CHN2: variants seen among roughly 807,000 people sequenced by gnomAD.
CHN2 encodes the protein chimerin 2.
In CHN2, 35 loss-of-function variants were observed where a neutral mutation model predicts 56.3. The observed-to-expected ratio is 0.62, with a 90% CI of 0.47 to 0.82. The LOEUF (loss-of-function observed/expected upper bound fraction) is 0.82, where lower values mean the gene tolerates loss of function less well. Among genes scored for constraint, CHN2 ranks in the 40% least tolerant of loss-of-function variants. CHN2 has a pLI of 0.00. For synonymous variants in CHN2, 210 were observed against 212.8 expected (o/e 0.99, Z 0.12); for missense variants, 491 against 580.5 (o/e 0.85, Z 1.58).
At chr7:29,392,617 C>T (rs953226389) in intron 3 of CHN2, among the ~76,000 whole-genome samples, 4 of 152,160 alleles carry the variant, frequency 2.6e-5, no homozygotes, top group African/African-American at 9.7e-5. Context: ...AAAGCCCCAG[C>T]TCCGCCTTTC....
At chr7:29,300,400 G>T (rs1307290033) in intron 1 of CHN2, among the ~76,000 whole-genome samples, 1 of 152,162 alleles carries the variant, frequency 6.6e-6, no homozygotes, top group Non-Finnish European at 1.5e-5. Context: ...AGAGGAGGGT[G>T]GGGCAAGGGT....
chr7:29,491,258 C>CT (rs1407685688), intron 7 of CHN2, among the ~76,000 whole-genome samples: 1 of 151,966 alleles, frequency 6.6e-6, no homozygotes, highest in Non-Finnish European at 1.5e-5. Flanking sequence ...ATCTAAAAAT[C>CT]TTTTTTTGTG....
chr7:29,371,199 G>A (rs1396417190), intron 3 of CHN2, among the ~76,000 whole-genome samples: 1 of 152,138 alleles, frequency 6.6e-6, no homozygotes, highest in Non-Finnish European at 1.5e-5. Context: ...AGTATTCTCT[G>A]AATGTAAGGG....
intron 6 of CHN2, among the ~76,000 whole-genome samples, chr7:29,453,772 T>C (rs1784560581): frequency 6.6e-6 from 1 of 152,202 alleles, no homozygotes; most frequent in Non-Finnish European, 1.5e-5. Flanking sequence ...ATCCATCCAC[T>C]AATGAGCTAT....
chr7:29,265,297 T>G (rs1414687948), intron 1 of CHN2, among the ~76,000 whole-genome samples: 1 of 152,190 alleles, frequency 6.6e-6, no homozygotes, highest in Admixed American at 6.5e-5. Flanking sequence ...CTGCCTGGCT[T>G]CCTTACTCTC....
At chr7:29,175,595 T>C (rs892390160) in intron 2 of CHN2, among the ~76,000 whole-genome samples, 12 of 152,158 alleles carry the variant, frequency 7.9e-5, no homozygotes, top group Non-Finnish European at 1.8e-4. Flanking sequence ...CCCAGCCGTA[T>C]GGAACTGAGT....
chr7:29,255,864 A>G (rs147283000), intron 1 of CHN2, among the ~76,000 whole-genome samples: 34 of 152,346 alleles, frequency 2.2e-4, no homozygotes, highest in African/African-American at 6.7e-4. Context: ...GAATCTATCA[A>G]TGCAACTTGC....
At chr7:29,336,929 A>G (rs1198609053) in intron 1 of CHN2, among the ~76,000 whole-genome samples, 1 of 151,986 alleles carries the variant, frequency 6.6e-6, no homozygotes, top group Non-Finnish European at 1.5e-5. Flanking sequence ...CTCCAATGTC[A>G]TCTCCTCTGT....
chr7:29,356,077 C>G (rs1361114371), intron 2 of CHN2, among the ~76,000 whole-genome samples: 7 of 152,028 alleles, frequency 4.6e-5, no homozygotes, highest in Admixed American at 4.6e-4. Context: ...GCCACCACAC[C>G]AGGCCTATGT....
At chr7:29,481,531 C>T (rs1017269229) in intron 7 of CHN2, among the ~76,000 whole-genome samples, 2 of 152,178 alleles carry the variant, frequency 1.3e-5, no homozygotes, top group African/African-American at 4.8e-5. Context: ...TGGAATTATA[C>T]AGCCCTACAT....
At chr7:29,443,023 C>G (rs566714955) in intron 6 of CHN2, among the ~76,000 whole-genome samples, 123 of 145,362 alleles carry the variant, frequency 8.5e-4, no homozygotes, top group African/African-American at 3.1e-3. Context: ...TCACTGCAAA[C>G]TCCGCTTCCC....
At chr7:29,233,573 T>C (rs1786889426) in intron 1 of CHN2, among the ~76,000 whole-genome samples, 1 of 152,092 alleles carries the variant, frequency 6.6e-6, no homozygotes, top group African/African-American at 2.4e-5. Context: ...GGTTTTGAGA[T>C]TAAGGAGATT....
At chr7:29,224,199 C>T (rs886133999) in intron 1 of CHN2, among the ~76,000 whole-genome samples, 1 of 152,064 alleles carries the variant, frequency 6.6e-6, no homozygotes, top group African/African-American at 2.4e-5. Flanking sequence ...ATTAAGAAGC[C>T]CTTACTTCTT....
Position 29,260,899 on chromosome 7 carries a change from G to A in CHN2, c.49+65909G>A, listed in dbSNP as rs139273478. Among the ~76,000 whole-genome samples, 121 of 152,250 alleles carry A rather than the reference G, an allele frequency of 7.9e-4. No homozygotes were observed. In the Middle Eastern group the frequency reaches 0.01, roughly 13 times the overall value. On this transcript the variant is annotated intron_variant, in intron 1 of 12. Coordinates refer to ENST00000222792, the MANE Select transcript of CHN2 (RefSeq NM_004067.4). Reference sequence around the variant, plus strand: ...ATGTAATTCACAGCTCTTTGAGAATGTCATTTAGAAATAATCCCCAATTCA... The same window carrying A: ...ATGTAATTCACAGCTCTTTGAGAATATCATTTAGAAATAATCCCCAATTCA...
chr7:29,149,189 CTTTT>C (rs60520174), intron 2 of CHN2, among the ~76,000 whole-genome samples: 3 of 100,340 alleles, frequency 3.0e-5, no homozygotes, highest in Non-Finnish European at 5.5e-5. Flanking sequence ...GTCTGTTTCC[CTTTT>C]TTTTTTTTTT....
At chr7:29,182,403 G>A (rs1008414520) in intron 2 of CHN2, among the ~76,000 whole-genome samples, 1 of 152,212 alleles carries the variant, frequency 6.6e-6, no homozygotes, top group Admixed American at 6.5e-5. Flanking sequence ...GACACATAGA[G>A]TGTAGCAGAA....
intron 1 of CHN2, among the ~76,000 whole-genome samples, chr7:29,329,272 G>T (rs1354281059): frequency 7.1e-6 from 1 of 140,596 alleles, no homozygotes; most frequent in Admixed American, 7.8e-5. Flanking sequence ...ACAGTGAAAT[G>T]AAATAGTAGT....
intron 1 of CHN2, among the ~76,000 whole-genome samples, chr7:29,205,788 T>C (rs530799793): frequency 6.6e-6 from 1 of 152,286 alleles, no homozygotes; most frequent in Admixed American, 6.5e-5. Context: ...GTTTATACTT[T>C]CCCATCTAGA....
chr7:29,329,855 G>A (rs1013069181), intron 1 of CHN2, among the ~76,000 whole-genome samples: 1 of 152,208 alleles, frequency 6.6e-6, no homozygotes, highest in African/African-American at 2.4e-5. Context: ...GCTTTTCAGA[G>A]AAGAAATATT....
Sources: gnomAD v4.1 joint callset for allele counts (sites outside exome capture counted in the v4.1 genomes callset) on GRCh38, gnomAD v4.1.1 for gene constraint, MANE v1.5 for transcripts, NCBI Gene and HGNC (gene_info 2026-07-23, HGNC 2026-07-21) for gene names.